The following PSMA3 variants were observed in gnomAD, a reference collection of about 807,000 sequenced individuals.
PSMA3 encodes the protein proteasome subunit alpha type-3.
In PSMA3, 8 loss-of-function variants were observed where a neutral mutation model predicts 40.0. The ratio of observed to expected loss-of-function variants is 0.20; its 90% confidence interval spans 0.12 to 0.36. PSMA3 has a LOEUF of 0.36. PSMA3 is among the 10% of genes least tolerant of loss of function. The pLI, the probability that PSMA3 is intolerant of heterozygous loss-of-function variation, is 1.00. For synonymous variants in PSMA3, 110 were observed against 100.0 expected, an observed-to-expected ratio of 1.10 and a Z score of -0.59; for missense variants, 219 against 310.6, an observed-to-expected ratio of 0.70 and a Z score of 2.22.
chr14:58,255,219 A>G (rs1343625138), intron 3 of PSMA3, among the ~76,000 whole-genome samples: 2 of 152,014 alleles, frequency 1.3e-5, no homozygotes, highest in African/African-American at 4.8e-5. Context: ...ATAGTGAAAA[A>G]TATTTTTATT....
intron 5 of PSMA3, among the ~76,000 whole-genome samples, chr14:58,259,357 C>T (rs527414728): frequency 1.3e-5 from 2 of 152,122 alleles, no homozygotes; most frequent in South Asian, 4.2e-4. Context: ...CTCTGTCGCC[C>T]AGGCTGGAAT....
chr14:58,264,673 C>A (rs1890384444), intron 7 of PSMA3: 1 of 152,176 alleles, frequency 6.6e-6, no homozygotes, highest in African/African-American at 2.4e-5. Flanking sequence ...CTTATTAGTG[C>A]TTGGCATTTA....
intron 6 of PSMA3, among the ~76,000 whole-genome samples, chr14:58,262,443 T>A (rs1332931749): frequency 1.3e-5 from 2 of 152,144 alleles, no homozygotes; most frequent in Non-Finnish European, 2.9e-5. Flanking sequence ...TGATCTCAAG[T>A]AATCCGCCCA....
chr14:58,252,016 G>T, intron 2 of PSMA3, 103 bp from the exon 3 acceptor site: 2 of 1,142,764 alleles, frequency 1.8e-6, no homozygotes, highest in Non-Finnish European at 1.2e-6. Flanking sequence ...TAAGGTATTT[G>T]GCATGCCTTA....
intron 7 of PSMA3, chr14:58,266,427 T>C (rs1041877341): frequency 6.6e-6 from 1 of 152,242 alleles, no homozygotes; most frequent in Non-Finnish European, 1.5e-5. Context: ...TGCTCAAACA[T>C]TGTTTTGATC....
chr14:58,249,006 C>G (rs890985970), intron 2 of PSMA3, among the ~76,000 whole-genome samples: 8 of 152,138 alleles, frequency 5.3e-5, no homozygotes, highest in Non-Finnish European at 1.0e-4. Context: ...ACTCTTGTTG[C>G]CCAGGCTGGA....
chr14:58,262,985 CTT>C (rs5808966), intron 6 of PSMA3, among the ~76,000 whole-genome samples: 112 of 131,536 alleles, frequency 8.5e-4, no homozygotes, highest in Non-Finnish European at 7.1e-4. Context: ...TGTGTACATC[CTT>C]TTTTTTTTTT....
At chr14:58,260,840 T>C (rs2058565898) in intron 5 of PSMA3, 108 bp from the exon 6 acceptor site, 1 of 691,462 alleles carries the variant, frequency 1.4e-6, no homozygotes, top group Non-Finnish European at 2.5e-6. Context: ...TATATGTGTA[T>C]TAGTAATTTA....
At chr14:58,263,488 T>C (rs761649830) in intron 6 of PSMA3, 5 of 405,340 alleles carry the variant, frequency 1.2e-5, no homozygotes, top group African/African-American at 1.0e-4. Flanking sequence ...TTTTTGGATA[T>C]ACCTTTATTA....
intron 8 of PSMA3, 116 bp from the exon 9 acceptor site, chr14:58,270,302 A>C: frequency 7.1e-7 from 1 of 1,418,204 alleles, no homozygotes; most frequent in East Asian, 2.4e-5. Context: ...TGTCTGTGTA[A>C]TTTTATAGAT....
In PSMA3 at chr14:58,267,776, T is replaced by C. The variant is rs1890491088; in HGVS notation, c.590+256T>C. 6.7e-6 allele frequency: 3 copies of C among 449,594 alleles called. No homozygotes were observed. The South Asian group carries it at 2.6e-4, about 39-fold the overall frequency. The allele number at this position is 449,594 out of a possible 1,614,324, so 27.9% of individuals were successfully genotyped here. A position where few individuals can be genotyped will look rare whatever the true frequency, so the allele number is the denominator to read the frequency against. On this transcript the variant is annotated intron_variant, in intron 8 of 10. Coordinates refer to ENST00000216455, the MANE Select transcript of PSMA3 (RefSeq NM_002788.4). Reference sequence around the variant, plus strand: ...GTTACAGGTTAAGGACATATACCATTAGGGTCTTAATTTGTTAGCTCCCAA... The same window carrying C: ...GTTACAGGTTAAGGACATATACCATCAGGGTCTTAATTTGTTAGCTCCCAA...
intron 3 of PSMA3, among the ~76,000 whole-genome samples, chr14:58,254,333 C>CATGTATATAT (rs1890090377): frequency 4.2e-5 from 1 of 23,792 alleles, no homozygotes; most frequent in Non-Finnish European, 8.3e-5. Context: ...ATTATGCATG[C>CATGTATATAT]ATATATATAT....
chr14:58,270,941 T>C lies in PSMA3; in HGVS notation c.666T>C (p.Asn222=). The change falls in exon 10 of 11, where the codon AAT becomes AAC. Residue 222 remains asparagine, a synonymous_variant. Coordinates refer to ENST00000216455, the MANE Select transcript of PSMA3 (RefSeq NM_002788.4). The stretch of plus-strand genomic sequence containing the variant: ...ATGTGGCTTAATTTACAGTAACTAA[T>C]GGAAGACATGAAATTGTTCCAAAAG... ...LELSWVGELT[N]GRHEIVPKDI... 1 of 1,603,580 alleles carries C rather than the reference T, an allele frequency of 6.2e-7. No homozygotes were observed. Among genetic ancestry groups the C allele is most frequent in the Admixed American group, 1.7e-5 (1 of 59,306 alleles).
At chr14:58,247,078 G>A (rs1482027304) in intron 1 of PSMA3, among the ~76,000 whole-genome samples, 1 of 152,168 alleles carries the variant, frequency 6.6e-6, no homozygotes, top group African/African-American at 2.4e-5. Context: ...TCTACCCTAA[G>A]ATCTTTGTGC....
intron 1 of PSMA3, among the ~76,000 whole-genome samples, chr14:58,246,766 C>T (rs1889891011): frequency 6.6e-6 from 1 of 152,198 alleles, no homozygotes; most frequent in Admixed American, 6.5e-5. Flanking sequence ...TACCTCTTCT[C>T]TCGTCTAAGC....
intron 2 of PSMA3, among the ~76,000 whole-genome samples, chr14:58,251,445 C>T (rs1266952613): frequency 6.6e-6 from 1 of 152,188 alleles, no homozygotes; most frequent in Non-Finnish European, 1.5e-5. Flanking sequence ...ACCACCATGC[C>T]TGGCTAAGCC....
At chr14:58,270,151 A>G (rs557374133) in intron 8 of PSMA3, 6 of 327,568 alleles carry the variant, frequency 1.8e-5, no homozygotes, top group South Asian at 4.0e-5. Context: ...CAGCCAAGTT[A>G]TATCTCTAAA....
At position 58,252,287 on chromosome 14, in the gene PSMA3, T is replaced by G. The variant is rs140248026; in HGVS notation, c.228+45T>G. On this transcript the variant is annotated intron_variant, in intron 3 of 10. Coordinates refer to ENST00000216455, the MANE Select transcript of PSMA3 (RefSeq NM_002788.4). ...GTTCCTTTTTGTCTTGTCCAATTTC[T>G]TTTGAAGTAACTGATTGGAATAGAT... 1,403 of 1,583,878 alleles carry G rather than the reference T, an allele frequency of 8.9e-4. 8 individuals carry two copies. The African/African-American group carries it at 0.013, about 14-fold the overall frequency.
intron 3 of PSMA3, among the ~76,000 whole-genome samples, chr14:58,255,637 C>T (rs1182611520): frequency 2.6e-5 from 4 of 152,086 alleles, no homozygotes; most frequent in Non-Finnish European, 5.9e-5. Flanking sequence ...GGCGTGGTGG[C>T]GCATGCCTGT....
Sources: allele counts gnomAD v4.1 joint callset (sites outside exome capture counted in the v4.1 genomes callset), GRCh38; gene constraint gnomAD v4.1.1; transcripts MANE v1.5; gene names NCBI Gene and HGNC (gene_info 2026-07-23, HGNC 2026-07-21).